The following PDE5A variants were observed in gnomAD, a reference collection of about 807,000 sequenced individuals.
PDE5A encodes cGMP-specific 3',5'-cyclic phosphodiesterase.
In PDE5A, 67 loss-of-function variants were observed where a neutral mutation model predicts 110.2. The observed-to-expected ratio is 0.61, with a 90% CI of 0.50 to 0.75. PDE5A has a LOEUF of 0.75. Among genes scored for constraint, PDE5A ranks in the 30% least tolerant of loss-of-function variants. The pLI is 0.00. For synonymous variants in PDE5A, 328 were observed against 351.2 expected, an observed-to-expected ratio of 0.93 and a Z score of 0.74; for missense variants, 862 against 1,045.1, an observed-to-expected ratio of 0.82 and a Z score of 2.42.
Position 119,538,982 on chromosome 4 carries a change from G to A in PDE5A, c.1610C>T (p.Thr537Ile), listed in dbSNP as rs1726826234. 1 of 1,612,712 alleles carries A rather than the reference G, an allele frequency of 6.2e-7. No individual in the cohort carries two copies. Among genetic ancestry groups the A allele is most frequent in the Non-Finnish European group, 8.5e-7 (1 of 1,178,928 alleles). ...TACCGCTAACGACTGTAGCTCTCTT[G>A]TTTCTTCCTCTGCTGCTGAAGCATG... ...SYHASAAEEETRELQSLAAAV... is the reference protein window; with the variant it reads ...SYHASAAEEEIRELQSLAAAV... Residue 537 changes from threonine to isoleucine, a missense_variant, in exon 11 of 21, where the codon ACA becomes ATA. By Grantham distance (89) the Thr-to-Ile change is moderately conservative (BLOSUM62 -1). Coordinates refer to ENST00000354960, the MANE Select transcript of PDE5A (RefSeq NM_001083.4).
At chr4:119,599,740 CACACACACAT>C (rs1208098785) in intron 2 of PDE5A, among the ~76,000 whole-genome samples, 11 of 151,594 alleles carry the variant, frequency 7.3e-5, no homozygotes, top group African/African-American at 2.4e-4. Flanking sequence ...CACACACACA[CACACACACAT>C]ACATATATTT....
At chr4:119,538,710 A>C (rs1726814789) in intron 11 of PDE5A, 1 of 383,446 alleles carries the variant, frequency 2.6e-6, no homozygotes, top group African/African-American at 2.0e-5. Context: ...AAGTAAATTT[A>C]ATTTTGGCCC....
At chr4:119,577,827 T>A (rs1728418187) in intron 3 of PDE5A, among the ~76,000 whole-genome samples, 1 of 152,210 alleles carries the variant, frequency 6.6e-6, no homozygotes, top group Admixed American at 6.5e-5. Flanking sequence ...GTGTTGGAAG[T>A]TCTGGCCAGG....
chr4:119,601,914 C>CTT (rs777589015), intron 2 of PDE5A, among the ~76,000 whole-genome samples: 4 of 152,128 alleles, frequency 2.6e-5, no homozygotes, highest in Non-Finnish European at 5.9e-5. Context: ...GGCCTGTACC[C>CTT]TTTAACAATG....
chr4:119,549,056 C>T (rs1041074289), intron 9 of PDE5A: 3 of 152,156 alleles, frequency 2.0e-5, no homozygotes, highest in Non-Finnish European at 4.4e-5. Context: ...TCTACTGCAA[C>T]ACACAGATGA....
In PDE5A at chr4:119,525,861, A is replaced by C. The variant is rs1300408033; in HGVS notation, c.1633-166T>G. On this transcript the variant is annotated intron_variant, in intron 11 of 20. Coordinates refer to ENST00000354960, the MANE Select transcript of PDE5A (RefSeq NM_001083.4). The surrounding 1 kb of genome is among the most constrained non-coding windows in gnomAD (Gnocchi z 4.3). ...GTACAGTGGCAACTCCACTCTCTGC[A>C]TTTTTAAAACTGAGCCACATAAGGG... 1.3e-5 allele frequency among the ~76,000 whole-genome samples: 2 copies of C among 152,040 alleles called. No individual in the cohort carries two copies. Among genetic ancestry groups the C allele is most frequent in the African/African-American group, 4.8e-5 (2 of 41,408 alleles).
intron 18 of PDE5A, among the ~76,000 whole-genome samples, chr4:119,502,984 A>G (rs1725415990): frequency 6.6e-6 from 1 of 152,196 alleles, no homozygotes. Context: ...GAAAGGATAT[A>G]TGAAGACACA....
chr4:119,614,066 C>T (rs1729849311), intron 1 of PDE5A, among the ~76,000 whole-genome samples: 1 of 151,596 alleles, frequency 6.6e-6, no homozygotes, highest in African/African-American at 2.4e-5. Context: ...AAATGAAATC[C>T]TTTACCTCCA....
chr4:119,505,763 A>C (rs1725528200), intron 17 of PDE5A, 92 bp downstream of exon 17: 2 of 705,576 alleles, frequency 2.8e-6, no homozygotes, highest in South Asian at 1.8e-5. Context: ...ATTGTAACAA[A>C]TAATTGCAAT....
intron 3 of PDE5A, among the ~76,000 whole-genome samples, chr4:119,589,696 C>T (rs1728896487): frequency 1.3e-5 from 2 of 152,034 alleles, no homozygotes; most frequent in Non-Finnish European, 2.9e-5. Context: ...GAAACATGCT[C>T]CTGTAACTCT....
rs201984569 is a variant in PDE5A, at chr4:119,599,333, GAAAA to G, written c.742-2725_742-2722del. ...AGGAAAATGAAACCCATAGTAAAGA[GAAAA>G]AGTAGTCAATAAAAAATGACCCCAA... On this transcript the variant is annotated intron_variant, in intron 2 of 20. Coordinates refer to ENST00000354960, the MANE Select transcript of PDE5A (RefSeq NM_001083.4). Among the ~76,000 whole-genome samples, 380 of 152,072 alleles carry G rather than the reference GAAAA, an allele frequency of 2.5e-3. 7 individuals are homozygous for G. The highest frequency in any genetic ancestry group is 0.019 in the East Asian group (98 of 5,170).
intron 3 of PDE5A, among the ~76,000 whole-genome samples, chr4:119,578,420 C>T (rs1345344663): frequency 2.6e-5 from 4 of 152,182 alleles, no homozygotes; most frequent in Non-Finnish European, 4.4e-5. Flanking sequence ...AGGCATCACG[C>T]TACCTGACTT....
chr4:119,502,812 C>T (rs1049516634), intron 18 of PDE5A, among the ~76,000 whole-genome samples, 157 bp from the exon 19 acceptor site: 7 of 152,180 alleles, frequency 4.6e-5, no homozygotes, highest in African/African-American at 7.2e-5. Flanking sequence ...ATGTCCAAAG[C>T]GTGCTCTCTT....
chr4:119,553,761 G>A lies in PDE5A; in HGVS notation c.1200-15C>T, dbSNP rs752543263. 2 of 1,285,602 alleles carry A rather than the reference G, an allele frequency of 1.6e-6. No homozygotes were observed. The highest frequency in any genetic ancestry group is 2.3e-5 in the East Asian group (1 of 43,178). The allele number at this position is 1,285,602 out of a possible 1,614,324, so 79.6% of individuals were successfully genotyped here. On this transcript the variant is annotated splice_polypyrimidine_tract_variant and intron_variant, in intron 7 of 20. Coordinates refer to ENST00000354960, the MANE Select transcript of PDE5A (RefSeq NM_001083.4). ...CATCATGTTCCCTGTGAAAATAACAGATATGAGTTCCCTCTGTGCAGTTAA... is the reference window on the plus strand; with the variant it reads ...CATCATGTTCCCTGTGAAAATAACAAATATGAGTTCCCTCTGTGCAGTTAA...
rs115558266 is a variant in PDE5A, at chr4:119,621,585, G to C, written c.152+6935C>G. Among the ~76,000 whole-genome samples the C allele has an allele frequency of 8.1e-3, 1,237 of 152,254 alleles. 11 individuals are homozygous for C. Among genetic ancestry groups the C allele is most frequent in the African/African-American group, 0.028 (1,181 of 41,540 alleles). On this transcript the variant is annotated intron_variant, in intron 1 of 20. Transcript: ENST00000354960. ...TGGACAGATAAATAGATGCAAGGAA[G>C]GGCAGGTAAACAGAGTAGATAGATG...
chr4:119,602,414 T>C (rs1309463252), intron 2 of PDE5A, among the ~76,000 whole-genome samples: 1 of 152,116 alleles, frequency 6.6e-6, no homozygotes. Flanking sequence ...TAAAATTATA[T>C]CAAAATAAAA....
chr4:119,501,124 C>CACA (rs1560591840), intron 20 of PDE5A, 46 bp downstream of exon 20: 3 of 1,186,426 alleles, frequency 2.5e-6, no homozygotes, highest in East Asian at 2.3e-5. Flanking sequence ...GGTTCTAATT[C>CACA]ACAACAGTCC....
chr4:119,621,392 A>G (rs1277300634), intron 1 of PDE5A, among the ~76,000 whole-genome samples: 1 of 152,238 alleles, frequency 6.6e-6, no homozygotes, highest in Non-Finnish European at 1.5e-5. Flanking sequence ...TCTGGGGAAG[A>G]CTGATATGGA....
intron 5 of PDE5A, among the ~76,000 whole-genome samples, chr4:119,564,079 C>T (rs1376495736): frequency 6.6e-6 from 1 of 151,432 alleles, no homozygotes; most frequent in African/African-American, 2.4e-5. Context: ...TATAAATAAT[C>T]TGAAAAGCTT....
Sources: gnomAD v4.1 joint callset for allele counts (sites outside exome capture counted in the v4.1 genomes callset) on GRCh38, gnomAD v4.1.1 for gene constraint, Gnocchi (gnomAD v3.1) non-coding constraint, MANE v1.5 for transcripts, NCBI Gene and HGNC (gene_info 2026-07-23, HGNC 2026-07-21) for gene names.